Variants in RPRD1B observed in about 807,000 individuals in gnomAD.
RPRD1B encodes regulation of nuclear pre-mRNA domain-containing protein 1B.
A neutral mutation model predicts 41.5 loss-of-function variants in RPRD1B; 11 were observed. The observed-to-expected ratio is 0.27, with a 90% CI of 0.17 to 0.44. RPRD1B has a LOEUF of 0.44. RPRD1B is among the 20% of genes least tolerant of loss of function. RPRD1B has a pLI of 1.00. For synonymous variants in RPRD1B, 158 were observed against 155.6 expected, an observed-to-expected ratio of 1.02 and a Z score of -0.12; for missense variants, 248 against 389.9, an observed-to-expected ratio of 0.64 and a Z score of 3.06.
intron 6 of RPRD1B, among the ~76,000 whole-genome samples, chr20:38,076,979 C>T (rs1403663462): frequency 8.4e-6 from 1 of 119,692 alleles, no homozygotes; most frequent in African/African-American, 3.3e-5. Context: ...TGCAGTGGTG[C>T]GATCTGGACT....
intron 1 of RPRD1B, among the ~76,000 whole-genome samples, chr20:38,038,777 C>T (rs2074033162): frequency 6.6e-6 from 1 of 152,080 alleles, no homozygotes; most frequent in African/African-American, 2.4e-5. Context: ...GGATTACAGG[C>T]GTGAGCCACT....
chr20:38,057,684 A>T (rs1431990630), intron 4 of RPRD1B, 40 bp downstream of exon 4: 1 of 1,397,924 alleles, frequency 7.2e-7, no homozygotes, highest in South Asian at 1.2e-5. Context: ...CAGTGGCTTA[A>T]AGTGACCTCT....
chr20:38,045,520 A>G lies in RPRD1B; in HGVS notation c.282-2828A>G, dbSNP rs2074112149. ...CCTGGTTAGTTATATTCACTAATTAAACTAGAACCCCCCTTTTGGCCTTTA... is the reference window on the plus strand; with the variant it reads ...CCTGGTTAGTTATATTCACTAATTAGACTAGAACCCCCCTTTTGGCCTTTA... On this transcript the variant is annotated intron_variant, in intron 2 of 6. Coordinates refer to ENST00000373433, the MANE Select transcript of RPRD1B (RefSeq NM_021215.4). Among the ~76,000 whole-genome samples the G allele has an allele frequency of 3.9e-5, 6 of 152,320 alleles. No individual in the cohort carries two copies. In the South Asian group the frequency reaches 1.2e-3, roughly 32 times the overall value.
At chr20:38,087,917 G>A (rs1250772970) in intron 6 of RPRD1B, among the ~76,000 whole-genome samples, 1 of 152,190 alleles carries the variant, frequency 6.6e-6, no homozygotes, top group South Asian at 2.1e-4. Context: ...GCTGGACACT[G>A]CGGAGCCTGG....
chr20:38,058,911 G>A (rs761590941), intron 4 of RPRD1B, among the ~76,000 whole-genome samples: 3 of 152,060 alleles, frequency 2.0e-5, no homozygotes, highest in East Asian at 3.9e-4. Context: ...ACAGGGTGTC[G>A]CTATATTGTC....
intron 5 of RPRD1B, among the ~76,000 whole-genome samples, chr20:38,060,792 C>G (rs567535226): frequency 3.2e-4 from 48 of 152,164 alleles, no homozygotes; most frequent in African/African-American, 1.1e-3. Flanking sequence ...ATTCCTCCCC[C>G]ACCTCTTCCT....
intron 2 of RPRD1B, among the ~76,000 whole-genome samples, chr20:38,046,796 G>C (rs573037277): frequency 9.9e-5 from 15 of 152,138 alleles, no homozygotes; most frequent in Non-Finnish European, 2.2e-4. Flanking sequence ...GGTAGGAGAT[G>C]AGGCCAGGGA....
At chr20:38,049,813 A>G (rs2074165504) in intron 3 of RPRD1B, 2 of 471,196 alleles carry the variant, frequency 4.2e-6, no homozygotes, top group South Asian at 3.1e-5. Context: ...ATCGAGTCCA[A>G]GTACTGATAG....
At chr20:38,061,339 C>G (rs1406587225) in intron 5 of RPRD1B, among the ~76,000 whole-genome samples, 1 of 152,166 alleles carries the variant, frequency 6.6e-6, no homozygotes, top group Non-Finnish European at 1.5e-5. Flanking sequence ...AGCTTTTTGT[C>G]TGTTCCTTTC....
chr20:38,033,912 C>G lies in RPRD1B; in HGVS notation c.-36C>G, dbSNP rs2073960585. 1 of 1,582,176 alleles carries G rather than the reference C, an allele frequency of 6.3e-7. No homozygotes were observed. On this transcript the variant is annotated 5_prime_UTR_variant, in exon 1 of 7. Coordinates refer to ENST00000373433, the MANE Select transcript of RPRD1B (RefSeq NM_021215.4). The stretch of plus-strand genomic sequence containing the variant: ...CGCTCTTCCCGCCGCACTGGGCGGC[C>G]CAGGCCGCTCCCTGCCGGGCCTCAC...
chr20:38,080,164 G>A (rs2074500159), intron 6 of RPRD1B, among the ~76,000 whole-genome samples: 1 of 152,208 alleles, frequency 6.6e-6, no homozygotes, highest in East Asian at 1.9e-4. Context: ...CATTCTGTAA[G>A]TTGTCTTTTT....
chr20:38,066,283 C>T (rs200940549), intron 6 of RPRD1B, 27 bp downstream of exon 6: 1 of 1,604,156 alleles, frequency 6.2e-7, no homozygotes, highest in African/African-American at 1.3e-5. Context: ...CAGACCCAGA[C>T]TGCCCACGTT....
In RPRD1B at chr20:38,091,518, C is replaced by G; in HGVS notation, c.*1643C>G. On this transcript the variant is annotated 3_prime_UTR_variant, in exon 7 of 7. Transcript: ENST00000373433. ...TTGCTTATGGACACTGCCTGTCGTT[C>G]TGTCACTGTTAAATTAATGAGTCTA... 1 of 985,410 alleles carries G rather than the reference C, an allele frequency of 1.0e-6. No homozygotes were observed. The highest frequency in any genetic ancestry group is 4.7e-5 in the South Asian group (1 of 21,288). The allele number at this position is 985,410 out of a possible 1,614,324, so 61.0% of individuals were successfully genotyped here. A position where few individuals can be genotyped will look rare whatever the true frequency, so the allele number is the denominator to read the frequency against.
chr20:38,079,435 C>T (rs1301385056), intron 6 of RPRD1B, among the ~76,000 whole-genome samples: 1 of 152,030 alleles, frequency 6.6e-6, no homozygotes, highest in Non-Finnish European at 1.5e-5. Flanking sequence ...CAAGTAGTCC[C>T]GGGTGTCTTA....
intron 2 of RPRD1B, among the ~76,000 whole-genome samples, chr20:38,041,124 A>G (rs1001781453): frequency 3.3e-5 from 5 of 151,772 alleles, no homozygotes; most frequent in Admixed American, 2.0e-4. Context: ...CACTCATACA[A>G]CTAATACCAT....
At chr20:38,060,407 T>A (rs148329536) in intron 5 of RPRD1B, among the ~76,000 whole-genome samples, 14 of 152,312 alleles carry the variant, frequency 9.2e-5, no homozygotes, top group Non-Finnish European at 2.1e-4. Context: ...ATGAAATATT[T>A]CCCTCAACAA....
At chr20:38,049,159 G>A (rs1409451236) in intron 3 of RPRD1B, among the ~76,000 whole-genome samples, 2 of 151,950 alleles carry the variant, frequency 1.3e-5, no homozygotes, top group Admixed American at 6.6e-5. Flanking sequence ...ATGTTTGCCA[G>A]GCTGGTCTCA....
intron 3 of RPRD1B, among the ~76,000 whole-genome samples, chr20:38,056,335 G>T (rs575641497): frequency 1.3e-5 from 2 of 152,150 alleles, no homozygotes; most frequent in East Asian, 3.9e-4. Context: ...AAGTTGCAGT[G>T]AGCTGAGAAT....
chr20:38,088,227 T>C (rs2074580214), intron 6 of RPRD1B, among the ~76,000 whole-genome samples: 1 of 152,214 alleles, frequency 6.6e-6, no homozygotes, highest in Non-Finnish European at 1.5e-5. Flanking sequence ...CAACTTGAAC[T>C]AAGTATTCTC....
Sources: gnomAD v4.1 joint callset for allele counts (sites outside exome capture counted in the v4.1 genomes callset) on GRCh38, gnomAD v4.1.1 for gene constraint, MANE v1.5 for transcripts, NCBI Gene and HGNC (gene_info 2026-07-23, HGNC 2026-07-21) for gene names.